Variants in XKR6 observed in about 807,000 individuals in gnomAD.
XKR6 encodes XK related 6, also known as XK-related protein 6.
Under a neutral mutation model 56.7 loss-of-function variants are expected in XKR6, and 22 were observed. The observed-to-expected ratio is 0.39, with a 90% CI of 0.28 to 0.55. The LOEUF is 0.55. Among genes scored for constraint, XKR6 ranks in the 20% least tolerant of loss-of-function variants. XKR6 has a pLI of 0.66. For synonymous variants in XKR6, 524 were observed against 387.8 expected (o/e 1.35, Z -4.13); for missense variants, 852 against 889.0 (o/e 0.96, Z 0.53).
chr8:11,069,924 C>G (rs1296946916), intron 1 of XKR6, among the ~76,000 whole-genome samples: 1 of 152,176 alleles, frequency 6.6e-6, no homozygotes, highest in East Asian at 1.9e-4. Flanking sequence ...TCAGGAGGGC[C>G]TTGATATTGA....
intron 1 of XKR6, among the ~76,000 whole-genome samples, chr8:11,010,476 G>T (rs1365098582): frequency 6.6e-6 from 1 of 152,130 alleles, no homozygotes; most frequent in African/African-American, 2.4e-5. Flanking sequence ...AACAGTACCT[G>T]CCTCATGGGT....
chr8:11,160,762 G>T (rs953535276), intron 1 of XKR6, among the ~76,000 whole-genome samples: 1 of 151,926 alleles, frequency 6.6e-6, no homozygotes, highest in Non-Finnish European at 1.5e-5. Flanking sequence ...ACAAAAATTA[G>T]CTGGGTATGG....
chr8:11,011,549 C>G (rs1798498900), intron 1 of XKR6, among the ~76,000 whole-genome samples: 1 of 152,158 alleles, frequency 6.6e-6, no homozygotes, highest in South Asian at 2.1e-4. Context: ...AAGAAAACAG[C>G]AGAGAAGAAA....
intron 1 of XKR6, among the ~76,000 whole-genome samples, chr8:11,116,550 T>C (rs977264150): frequency 6.6e-6 from 1 of 152,142 alleles, no homozygotes. Flanking sequence ...TTTGCATTTT[T>C]AGTAGAGACG....
At chr8:10,947,070 A>G (rs1801573459) in intron 1 of XKR6, among the ~76,000 whole-genome samples, 1 of 152,116 alleles carries the variant, frequency 6.6e-6, no homozygotes, top group African/African-American at 2.4e-5. Flanking sequence ...CGGATGACAT[A>G]TCAGGAGGCT....
chr8:11,035,251 T>C, intron 1 of XKR6: 1 of 534,790 alleles, frequency 1.9e-6, no homozygotes, highest in Non-Finnish European at 3.8e-6. Flanking sequence ...TAGCACCCCA[T>C]TTCCAGCTCA....
intron 2 of XKR6, among the ~76,000 whole-genome samples, chr8:10,921,246 G>C (rs1800700373): frequency 6.6e-6 from 1 of 152,364 alleles, no homozygotes. Context: ...ATCATAGAAA[G>C]GACAGGCATA....
chr8:10,963,086 C>G (rs377428636), intron 1 of XKR6, among the ~76,000 whole-genome samples: 1 of 152,356 alleles, frequency 6.6e-6, no homozygotes, highest in Non-Finnish European at 1.5e-5. Context: ...AGCGCCAGAC[C>G]AAGCACATCC....
At chr8:10,961,703 T>A (rs947268525) in intron 1 of XKR6, among the ~76,000 whole-genome samples, 1 of 152,236 alleles carries the variant, frequency 6.6e-6, no homozygotes, top group Non-Finnish European at 1.5e-5. Flanking sequence ...CCCAGGGAGC[T>A]GGAAAAATGA....
At chr8:11,162,734 T>C (rs1297657862) in intron 1 of XKR6, among the ~76,000 whole-genome samples, 1 of 152,238 alleles carries the variant, frequency 6.6e-6, no homozygotes, top group Non-Finnish European at 1.5e-5. Context: ...AGTAAGGCAC[T>C]GAACCTCCAG....
chr8:11,055,127 C>T (rs1799648853), intron 1 of XKR6, among the ~76,000 whole-genome samples: 1 of 152,178 alleles, frequency 6.6e-6, no homozygotes, highest in South Asian at 2.1e-4. Context: ...AGGGGGACTG[C>T]CACCCAAGTA....
At chr8:11,140,897 C>CA (rs35388667) in intron 1 of XKR6, among the ~76,000 whole-genome samples, 42,560 of 87,662 alleles carry the variant, frequency 0.49, 9,975 homozygotes, top group African/African-American at 0.63. Flanking sequence ...GACTCTGTCT[C>CA]AAAAAAAAAA....
chr8:10,945,796 C>G (rs983065185), intron 1 of XKR6, among the ~76,000 whole-genome samples: 5 of 152,214 alleles, frequency 3.3e-5, no homozygotes, highest in African/African-American at 9.7e-5. Flanking sequence ...TCTCCAGGCT[C>G]TGGCCTAGCG....
chr8:10,993,977 G>A (rs974573841), intron 1 of XKR6, among the ~76,000 whole-genome samples: 6 of 152,162 alleles, frequency 3.9e-5, no homozygotes, highest in Non-Finnish European at 5.9e-5. Flanking sequence ...GCCTTGCTCT[G>A]CCCTATCATG....
intron 1 of XKR6, among the ~76,000 whole-genome samples, chr8:11,186,027 T>C (rs1803253667): frequency 6.6e-6 from 1 of 152,222 alleles, no homozygotes; most frequent in African/African-American, 2.4e-5. Flanking sequence ...ATCAGAGGCC[T>C]TCTGTGGCTA....
intron 1 of XKR6, among the ~76,000 whole-genome samples, chr8:11,181,285 A>G (rs1454669334): frequency 6.6e-6 from 1 of 152,216 alleles, no homozygotes; most frequent in Non-Finnish European, 1.5e-5. Context: ...TTCATAATGA[A>G]ATTTTTTCTT....
intron 2 of XKR6, among the ~76,000 whole-genome samples, chr8:10,918,569 C>T: frequency 6.6e-6 from 1 of 152,244 alleles, no homozygotes; most frequent in East Asian, 1.9e-4. Flanking sequence ...GACTCAGCCA[C>T]AGCCGTCCTT....
At chr8:11,102,635 G>A (rs1376520288) in intron 1 of XKR6, among the ~76,000 whole-genome samples, 1 of 152,106 alleles carries the variant, frequency 6.6e-6, no homozygotes, top group South Asian at 2.1e-4. Flanking sequence ...GCCCACCGAG[G>A]CACCAGTGTA....
intron 1 of XKR6, among the ~76,000 whole-genome samples, chr8:10,932,929 G>C (rs1586321929): frequency 6.9e-6 from 1 of 145,560 alleles, no homozygotes; most frequent in South Asian, 2.2e-4. Flanking sequence ...ATAGTCATTT[G>C]GGTATATACC....
Sources: allele counts gnomAD v4.1 joint callset (sites outside exome capture counted in the v4.1 genomes callset), GRCh38; gene constraint gnomAD v4.1.1; transcripts MANE v1.5; gene names NCBI Gene and HGNC (gene_info 2026-07-23, HGNC 2026-07-21).